LTBP1: variants seen among roughly 807,000 people sequenced by gnomAD.
LTBP1 encodes latent transforming growth factor beta binding protein 1.
In LTBP1, 129 loss-of-function variants were observed where a neutral mutation model predicts 207.6. The ratio of observed to expected loss-of-function variants is 0.62; its 90% CI spans 0.54 to 0.72. The LOEUF (loss-of-function observed/expected upper bound fraction) is 0.72, where lower values mean the gene tolerates loss of function less well. Ranked by LOEUF, LTBP1 falls within the 30% of genes least tolerant of loss-of-function variation. The probability of loss-of-function intolerance (pLI) is 0.00; values close to 1 mark genes in which losing one functional copy is unlikely to be tolerated. For missense variants in LTBP1, 2,281 were observed against 2,217.2 expected, an observed-to-expected ratio of 1.03 and a Z score of -0.58; for synonymous variants, 963 against 833.7, an observed-to-expected ratio of 1.16 and a Z score of -2.67.
intron 9 of LTBP1, among the ~76,000 whole-genome samples, chr2:33,222,733 A>G (rs2091195044): frequency 1.3e-5 from 2 of 152,206 alleles, no homozygotes; most frequent in Non-Finnish European, 2.9e-5. Flanking sequence ...TGTCTGGTAC[A>G]GTGTCTACTT....
chr2:33,176,267 C>T (rs1223764934), intron 5 of LTBP1, among the ~76,000 whole-genome samples: 1 of 152,274 alleles, frequency 6.6e-6, no homozygotes, highest in East Asian at 1.9e-4. Context: ...CGCTCTGTCG[C>T]GCAGGCTGGA....
chr2:33,076,130 G>A (rs1038870150), intron 3 of LTBP1, among the ~76,000 whole-genome samples: 6 of 152,196 alleles, frequency 3.9e-5, no homozygotes, highest in African/African-American at 1.4e-4. Flanking sequence ...AAATCATTGA[G>A]GTTTATTGAG....
intron 4 of LTBP1, among the ~76,000 whole-genome samples, chr2:33,124,118 C>A (rs932823770): frequency 6.6e-6 from 1 of 152,114 alleles, no homozygotes; most frequent in Non-Finnish European, 1.5e-5. Flanking sequence ...ACAAAAATTA[C>A]TCAAATGCGG....
intron 2 of LTBP1, among the ~76,000 whole-genome samples, chr2:33,011,317 G>C (rs938603517): frequency 3.3e-5 from 5 of 152,128 alleles, no homozygotes; most frequent in African/African-American, 4.8e-5. Context: ...AGAGGTGATG[G>C]TAGGGCTTAT....
chr2:33,298,636 T>G (rs1166463164), intron 20 of LTBP1, among the ~76,000 whole-genome samples: 1 of 152,194 alleles, frequency 6.6e-6, no homozygotes, highest in Non-Finnish European at 1.5e-5. Context: ...GCTAAGAGAC[T>G]TACAGTGTTT....
Position 33,274,967 on chromosome 2 carries a change from A to T in LTBP1, c.2746A>T (p.Ile916Phe). ...FSEQQRKCVD[I>F]DECTQVQHLC... ...TTTATATGTATTTTTGTTAACAGAT[A>T]TTGATGAGTGTACTCAGGTCCAACA... Residue 916 changes from isoleucine to phenylalanine, a missense_variant and splice_region_variant, in exon 17 of 34, where the codon ATT (isoleucine) becomes TTT (phenylalanine). Physicochemically the swap from Ile to Phe is conservative, Grantham distance 21. Coordinates refer to ENST00000404816, the MANE Select transcript of LTBP1 (RefSeq NM_206943.4). 6.2e-7 allele frequency: 1 copy of T among 1,613,882 alleles called. No homozygotes were observed. The highest frequency in any genetic ancestry group is 1.1e-5 in the South Asian group (1 of 91,076).
chr2:33,348,066 T>G (rs375846916), intron 26 of LTBP1, among the ~76,000 whole-genome samples: 1 of 152,168 alleles, frequency 6.6e-6, no homozygotes, highest in East Asian at 1.9e-4. Flanking sequence ...AAATAGAGAG[T>G]TGGACTGTTT....
intron 12 of LTBP1, among the ~76,000 whole-genome samples, chr2:33,257,768 ATCTT>A (rs2092904161): frequency 1.3e-5 from 2 of 152,220 alleles, no homozygotes; most frequent in Admixed American, 1.3e-4. Flanking sequence ...GGGCTGCTTT[ATCTT>A]GGCGTTTATA....
chr2:33,309,548 C>A lies in LTBP1; in HGVS notation c.3596C>A (p.Thr1199Lys). The change falls in exon 23 of 34, where the codon ACA becomes AAA. Residue 1199 changes from threonine to lysine, a missense_variant. Thr to Lys is a moderately conservative substitution (Grantham distance 78). Coordinates refer to ENST00000404816, the MANE Select transcript of LTBP1 (RefSeq NM_206943.4). Reference sequence around the variant, plus strand: ...GGATTTCAGCTAGATGACAATAAAACATGTCAAGGTATTTCTTGCTCTTTT... The same window carrying A: ...GGATTTCAGCTAGATGACAATAAAAAATGTCAAGGTATTTCTTGCTCTTTT... ...PDGFQLDDNK[T>K]CQDINECEHP... 1.2e-6 allele frequency: 2 copies of A among 1,604,786 alleles called. No homozygotes were observed. Among genetic ancestry groups the A allele is most frequent in the African/African-American group, 2.7e-5 (2 of 74,364 alleles).
intron 28 of LTBP1, 147 bp from the exon 29 acceptor site, chr2:33,363,243 A>G (rs2094946356): frequency 1.4e-6 from 1 of 731,800 alleles, no homozygotes; most frequent in Non-Finnish European, 2.1e-6. Flanking sequence ...GCCTTATTTT[A>G]AGAAGGTTAT....
intron 5 of LTBP1, among the ~76,000 whole-genome samples, chr2:33,168,055 C>G (rs948270452): frequency 3.9e-5 from 6 of 152,170 alleles, no homozygotes; most frequent in African/African-American, 1.4e-4. Context: ...CCCTGTTAGA[C>G]ATTCCTATCA....
At chr2:33,210,000 A>T (rs10084248) in intron 7 of LTBP1, among the ~76,000 whole-genome samples, 12,021 of 152,276 alleles carry the variant, frequency 0.079, 1,022 homozygotes, top group African/African-American at 0.21. Context: ...TAAAGTGAAG[A>T]TGTGAATGTT....
At chr2:33,058,432 C>A (rs2077111285) in intron 3 of LTBP1, among the ~76,000 whole-genome samples, 2 of 152,196 alleles carry the variant, frequency 1.3e-5, no homozygotes, top group Admixed American at 1.3e-4. Context: ...GAAGCCAGGA[C>A]CAAAACTCAT....
intron 7 of LTBP1, among the ~76,000 whole-genome samples, chr2:33,213,855 A>T (rs903071943): frequency 3.3e-5 from 5 of 152,192 alleles, no homozygotes; most frequent in Admixed American, 6.5e-5. Context: ...TTATTTAAAC[A>T]ATTTGGATGG....
rs537685261 is a variant in LTBP1, at chr2:33,382,328, T to C, written c.4712-6856T>C. On this transcript the variant is annotated intron_variant, in intron 31 of 33. Coordinates refer to ENST00000404816, the MANE Select transcript of LTBP1 (RefSeq NM_206943.4). The stretch of plus-strand genomic sequence containing the variant: ...CAGGCTGCTCTCGAACTCCTGACTG[T>C]AGGTGATCCACCCGCCTCGGGCTCC... Among the ~76,000 whole-genome samples, 24 of 152,134 alleles carry C rather than the reference T, an allele frequency of 1.6e-4. No individual in the cohort carries two copies. The East Asian group carries it at 3.1e-3, about 20-fold the overall frequency.
intron 20 of LTBP1, among the ~76,000 whole-genome samples, chr2:33,296,759 C>T (rs1180620822): frequency 2.0e-5 from 3 of 151,960 alleles, no homozygotes; most frequent in Admixed American, 6.6e-5. Flanking sequence ...GGCAGCATAT[C>T]GGATGCTAGT....
At position 32,947,808 on chromosome 2, in the gene LTBP1, C is replaced by A. The variant is rs866271066; in HGVS notation, c.484C>A (p.Gln162Lys). ...GSRLQVHQKQQLQGVNVCGGR... is the reference protein window; with the variant it reads ...GSRLQVHQKQKLQGVNVCGGR... ...TAGGCTGCAGGTTCACCAGAAGCAG[C>A]AGCTGCAGGGGTAAGCCCACACCCC... is the stretch of plus-strand genomic sequence containing the variant. The change falls in exon 1 of 34, where the codon CAG becomes AAG. Residue 162 changes from glutamine (Q) to lysine (K), a missense_variant. Physicochemically the swap from Gln to Lys is moderately conservative, Grantham distance 53 (BLOSUM62 1). Around this residue, in one of 3 missense-constraint regions of LTBP1, gnomAD observed 555 missense variants for 491.0 expected, o/e 1.13. Coordinates refer to ENST00000404816, the MANE Select transcript of LTBP1 (RefSeq NM_206943.4). The A allele has an allele frequency of 6.9e-7, 1 of 1,452,862 alleles. No individual in the cohort carries two copies. The highest frequency in any genetic ancestry group is 9.1e-7 in the Non-Finnish European group (1 of 1,096,634). The allele number at this position is 1,452,862 out of a possible 1,614,324, so 90.0% of individuals were successfully genotyped here.
chr2:33,289,206 A>G (rs1573640631), intron 19 of LTBP1, among the ~76,000 whole-genome samples: 1 of 152,178 alleles, frequency 6.6e-6, no homozygotes, highest in Admixed American at 6.5e-5. Context: ...ATGGATGCAT[A>G]CATCTTTGAA....
intron 13 of LTBP1, among the ~76,000 whole-genome samples, chr2:33,261,453 T>C (rs991531112): frequency 1.3e-5 from 2 of 152,168 alleles, no homozygotes; most frequent in African/African-American, 4.8e-5. Flanking sequence ...TTTTGGTAGG[T>C]CTACTCAAGT....
Sources: gnomAD v4.1 joint callset for allele counts (sites outside exome capture counted in the v4.1 genomes callset) on GRCh38, gnomAD v4.1.1 for gene constraint, gnomAD v4.1.1 regional missense constraint, MANE v1.5 for transcripts, NCBI Gene and HGNC (gene_info 2026-07-23, HGNC 2026-07-21) for gene names.